The following PIWIL2 variants were observed in gnomAD, a reference collection of about 807,000 sequenced individuals.
PIWIL2 encodes the protein piwi like RNA-mediated gene silencing 2, also known as piwi-like protein 2.
Under a neutral mutation model 116.5 loss-of-function variants are expected in PIWIL2, and 81 were observed. The observed-to-expected ratio is 0.70, with a 90% CI of 0.58 to 0.84. PIWIL2 has a LOEUF of 0.84. PIWIL2 is among the 40% of genes least tolerant of loss of function. The probability of loss-of-function intolerance (pLI) is 0.00; values close to 1 mark genes in which losing one functional copy is unlikely to be tolerated. For synonymous variants in PIWIL2, 489 were observed against 429.5 expected (o/e 1.14, Z -1.71); for missense variants, 1,272 against 1,212.3 (o/e 1.05, Z -0.73).
intron 20 of PIWIL2, among the ~76,000 whole-genome samples, chr8:22,325,059 A>G (rs1831690806): frequency 1.3e-5 from 2 of 152,248 alleles, no homozygotes; most frequent in Non-Finnish European, 2.9e-5. Context: ...TACAGAAGTC[A>G]TCCCAGCTTC....
At chr8:22,342,032 C>T (rs761770352) in intron 20 of PIWIL2, among the ~76,000 whole-genome samples, 6 of 148,414 alleles carry the variant, frequency 4.0e-5, no homozygotes, top group Non-Finnish European at 5.9e-5. Flanking sequence ...AGTGAACAAT[C>T]GGAATTTGAA....
intron 20 of PIWIL2, among the ~76,000 whole-genome samples, chr8:22,343,914 C>G (rs140067397): frequency 1.3e-4 from 20 of 152,272 alleles, no homozygotes; most frequent in South Asian, 4.1e-4. Flanking sequence ...TGAAAACTTA[C>G]GCCCACACAA....
chr8:22,284,202 T>A lies in PIWIL2; in HGVS notation c.673T>A (p.Ser225Thr), dbSNP rs768072863. ...GCAAGGATCAAAAGGAACACCTCAG[T>A]CTTTGGGACTGAACCTCGTCAAAAT... ...VKQGSKGTPQ[S>T]LGLNLVKIQC... The change falls in exon 6 of 23, where the codon TCT becomes ACT. Residue 225 changes from serine to threonine, a missense_variant. Coordinates refer to ENST00000356766, the MANE Select transcript of PIWIL2 (RefSeq NM_018068.5). 2 of 1,605,242 alleles carry A rather than the reference T, an allele frequency of 1.2e-6. No homozygotes were observed. The highest frequency in any genetic ancestry group is 8.5e-7 in the Non-Finnish European group (1 of 1,176,702).
intron 20 of PIWIL2, among the ~76,000 whole-genome samples, chr8:22,346,564 G>C (rs2132104629): frequency 6.6e-6 from 1 of 152,246 alleles, no homozygotes; most frequent in Admixed American, 6.5e-5. Context: ...GCTCACATGT[G>C]ATTTATTTAA....
chr8:22,308,486 C>A (rs928117486), intron 14 of PIWIL2, among the ~76,000 whole-genome samples: 2 of 151,978 alleles, frequency 1.3e-5, no homozygotes, highest in East Asian at 3.9e-4. Flanking sequence ...AACCCCATAT[C>A]TACTAAAAAC....
chr8:22,307,301 C>T (rs977202374), intron 13 of PIWIL2, among the ~76,000 whole-genome samples: 3 of 151,900 alleles, frequency 2.0e-5, no homozygotes, highest in Non-Finnish European at 4.4e-5. Context: ...GGATTACAGG[C>T]GTGAGCCACT....
rs141037249 is a variant in PIWIL2, at chr8:22,338,259, A to G, written c.2404-14700A>G. On this transcript the variant is annotated intron_variant, in intron 20 of 22. Coordinates refer to ENST00000356766, the MANE Select transcript of PIWIL2 (RefSeq NM_018068.5). ...TAGAAAATCCCAGGGAACCAACAAC[A>G]ACGACAACACAAACCTGCCAGAACT... 2.1e-3 allele frequency among the ~76,000 whole-genome samples: 317 copies of G among 152,328 alleles called. 1 individual carries two copies. Among genetic ancestry groups the G allele is most frequent in the African/African-American group, 7.3e-3 (303 of 41,570 alleles).
chr8:22,352,477 G>T (rs1361497117), intron 20 of PIWIL2, among the ~76,000 whole-genome samples: 1 of 152,176 alleles, frequency 6.6e-6, no homozygotes, highest in African/African-American at 2.4e-5. Flanking sequence ...GTAAAGGGAC[G>T]TTTCACTTGT....
intron 10 of PIWIL2, among the ~76,000 whole-genome samples, chr8:22,297,363 C>A (rs1830931658): frequency 1.3e-5 from 2 of 152,182 alleles, no homozygotes; most frequent in Non-Finnish European, 2.9e-5. Flanking sequence ...AGTTATCCTC[C>A]TTCTACATCG....
intron 20 of PIWIL2, chr8:22,352,719 GCA>G (rs1832400787): frequency 2.2e-6 from 1 of 454,612 alleles, no homozygotes; most frequent in East Asian, 3.1e-5. Flanking sequence ...CTCATAACTT[GCA>G]TGTTTTGCTT....
rs7016800 is a variant in PIWIL2 at position 22,295,356 on chromosome 8, G to C, written c.1181+5010G>C. 6.6e-5 allele frequency among the ~76,000 whole-genome samples: 10 copies of C among 151,300 alleles called. No homozygotes were observed. The South Asian group carries it at 2.1e-3, about 32-fold the overall frequency. ...GCTCAGCTTTTTTTTTTCTAAGTAC[G>C]TAATTTTATATGTACTTACCACTAA... On this transcript the variant is annotated intron_variant, in intron 10 of 22. Transcript: ENST00000356766.
At chr8:22,312,283 T>G (rs1246392994) in intron 16 of PIWIL2, among the ~76,000 whole-genome samples, 1 of 128,178 alleles carries the variant, frequency 7.8e-6, no homozygotes, top group Non-Finnish European at 1.7e-5. Flanking sequence ...AAAAAAAAAA[T>G]GAGATAGGAT....
Position 22,353,764 on chromosome 8 carries a change from C to CTTTTTTTTTTTTTTTTTTTTTTT in PIWIL2, c.2658-501_2658-479dup, listed in dbSNP as rs760913894. On this transcript the variant is annotated intron_variant, in intron 21 of 22. Coordinates refer to ENST00000356766, the MANE Select transcript of PIWIL2 (RefSeq NM_018068.5). ...CAGGAAGATAAGGGAGTTTCTACCA[C>CTTTTTTTTTTTTTTTTTTTTTTT]TTTTTTTTTTTTTTTTTTTTTTTTT... Among the ~76,000 whole-genome samples the CTTTTTTTTTTTTTTTTTTTTTTT allele has an allele frequency of 5.9e-5, 4 of 68,328 alleles. 2 individuals carry two copies. Among genetic ancestry groups the CTTTTTTTTTTTTTTTTTTTTTTT allele is most frequent in the Non-Finnish European group, 1.0e-4 (4 of 38,130 alleles). 44.8% of individuals were successfully genotyped at this position (68,328 alleles called of 152,430 possible). A position where few individuals can be genotyped will look rare whatever the true frequency, so the allele number is the denominator to read the frequency against.
intron 1 of PIWIL2, 43 bp downstream of exon 1, chr8:22,275,441 T>G (rs1467660595): frequency 1.3e-5 from 2 of 152,406 alleles, no homozygotes; most frequent in African/African-American, 4.8e-5. Flanking sequence ...CAGGCCAGGG[T>G]CGCTCGGGGG....
At chr8:22,313,753 C>T (rs1313317745) in intron 16 of PIWIL2, among the ~76,000 whole-genome samples, 1 of 152,202 alleles carries the variant, frequency 6.6e-6, no homozygotes, top group Non-Finnish European at 1.5e-5. Context: ...ATTCCTTCAG[C>T]AGTGAGGAAT....
chr8:22,279,516 C>A lies in PIWIL2; in HGVS notation c.130C>A (p.Pro44Thr). 6.2e-7 allele frequency: 1 copy of A among 1,614,154 alleles called. No individual in the cohort carries two copies. Among genetic ancestry groups the A allele is most frequent in the Non-Finnish European group, 8.5e-7 (1 of 1,180,028 alleles). Residue 44 changes from proline (P) to threonine (T), a missense_variant, in exon 2 of 23, where the codon CCT becomes ACT. By Grantham distance (38) the Pro-to-Thr change is conservative. Coordinates refer to ENST00000356766, the MANE Select transcript of PIWIL2 (RefSeq NM_018068.5). ...GGACCCAGCTCTGGGCAGGGGAGCA[C>A]CTGCAGGCAGAGGCCATGTATTTGG... The part of the protein sequence containing the change: ...PLDPALGRGA[P>T]AGRGHVFGKP...
In PIWIL2 at chr8:22,314,430, G is replaced by C; in HGVS notation, c.2091+1G>C. 1 of 1,536,482 alleles carries C rather than the reference G, an allele frequency of 6.5e-7. No individual in the cohort carries two copies. The highest frequency in any genetic ancestry group is 1.2e-5 in the South Asian group (1 of 81,708). On this transcript the variant is annotated splice_donor_variant, in intron 17 of 22. Transcript: ENST00000356766. LOFTEE classifies it high-confidence loss of function. ...TGTGCAGTCCCCAGTGCCCTCCCAG[G>C]TGAGTGGGTGTTGGGGCAGGAGGCG...
chr8:22,354,287 C>T lies in PIWIL2; in HGVS notation c.2674C>T (p.Leu892Phe). Residue 892 changes from leucine (L) to phenylalanine (F), a missense_variant, in exon 22 of 23, where the codon CTT becomes TTT. Physicochemically the swap from Leu to Phe is conservative, Grantham distance 22. Coordinates refer to ENST00000356766, the MANE Select transcript of PIWIL2 (RefSeq NM_018068.5). ...CCTTCCTAGGGTGGATTTCTATCTT[C>T]TTGCCCATCATGTACGGCAGGGCTG... ...TSCEWVDFYLLAHHVRQGCGI... is the reference protein window; with the variant it reads ...TSCEWVDFYLFAHHVRQGCGI... 6.2e-7 allele frequency: 1 copy of T among 1,611,610 alleles called. No individual in the cohort carries two copies. The highest frequency in any genetic ancestry group is 8.5e-7 in the Non-Finnish European group (1 of 1,177,704).
intron 20 of PIWIL2, among the ~76,000 whole-genome samples, chr8:22,335,485 A>G (rs1831959391): frequency 6.6e-6 from 1 of 151,406 alleles, no homozygotes; most frequent in African/African-American, 2.4e-5. Flanking sequence ...TCTGCCTAGT[A>G]TAGCTATACT....
Sources: allele counts gnomAD v4.1 joint callset (sites outside exome capture counted in the v4.1 genomes callset), GRCh38; gene constraint gnomAD v4.1.1; transcripts MANE v1.5; gene names NCBI Gene and HGNC (gene_info 2026-07-23, HGNC 2026-07-21).